ADGB: variants seen among roughly 807,000 people sequenced by gnomAD.
The protein encoded by ADGB is calpain-7-like protein.
A neutral mutation model predicts 210.5 loss-of-function variants in ADGB; 172 were observed. That is an observed-to-expected ratio of 0.82 (90% CI 0.72 to 0.93). ADGB has a LOEUF of 0.93. ADGB is among the 40% of genes least tolerant of loss of function. The pLI is 0.00. For missense variants in ADGB, 2,025 were observed against 1,964.8 expected, an observed-to-expected ratio of 1.03 and a Z score of -0.58; for synonymous variants, 658 against 662.7, an observed-to-expected ratio of 0.99 and a Z score of 0.11.
At position 146,734,600 on chromosome 6, in the gene ADGB, G is replaced by T. The variant is rs867781880; in HGVS notation, c.2794+570G>T. 5.9e-5 allele frequency among the ~76,000 whole-genome samples: 9 copies of T among 152,170 alleles called. 1 individual carries two copies. In the Middle Eastern group the frequency reaches 0.014, roughly 230 times the overall value. ...TATGTATATGAAATAAAATCTTTTT[G>T]CCAATAGGCCAGTTTTATCAGCTTA... is the stretch of plus-strand genomic sequence containing the variant. On this transcript the variant is annotated intron_variant, in intron 22 of 35. Coordinates refer to ENST00000397944, the MANE Select transcript of ADGB (RefSeq NM_024694.4).
At chr6:146,777,396 C>T (rs577672596) in intron 29 of ADGB, among the ~76,000 whole-genome samples, 2 of 152,026 alleles carry the variant, frequency 1.3e-5, no homozygotes, top group Admixed American at 6.5e-5. Context: ...TCACCACTTC[C>T]ATATTTAATT....
At chr6:146,637,251 A>G (rs900741067) in intron 2 of ADGB, among the ~76,000 whole-genome samples, 6 of 152,012 alleles carry the variant, frequency 3.9e-5, no homozygotes, top group Admixed American at 3.3e-4. Context: ...GATCAAGCAC[A>G]AAGTAGTGTC....
chr6:146,600,926 G>GCACACA (rs35082520), intron 1 of ADGB, among the ~76,000 whole-genome samples: 17 of 144,566 alleles, frequency 1.2e-4, no homozygotes, highest in African/African-American at 3.7e-4. Context: ...TCCCCCATGC[G>GCACACA]CACACACACA....
At chr6:146,667,620 T>A (rs928665827) in intron 7 of ADGB, among the ~76,000 whole-genome samples, 1 of 152,066 alleles carries the variant, frequency 6.6e-6, no homozygotes. Flanking sequence ...ATATCCGATG[T>A]ACAAATATTT....
intron 1 of ADGB, among the ~76,000 whole-genome samples, chr6:146,615,129 A>G (rs1188286356): frequency 6.6e-6 from 1 of 151,164 alleles, no homozygotes; most frequent in African/African-American, 2.4e-5. Flanking sequence ...GATGGTCTCG[A>G]TCTCCTGACC....
At chr6:146,715,352 G>C in intron 13 of ADGB, 30 bp from the exon 14 acceptor site, 1 of 1,481,894 alleles carries the variant, frequency 6.7e-7, no homozygotes, top group Non-Finnish European at 9.1e-7. Context: ...TGTTTTGTTG[G>C]ATTCAAAGTG....
At chr6:146,622,231 G>T (rs1780904603) in intron 1 of ADGB, among the ~76,000 whole-genome samples, 1 of 151,988 alleles carries the variant, frequency 6.6e-6, no homozygotes, top group Non-Finnish European at 1.5e-5. Context: ...CATGAAACAC[G>T]AGCCATTATT....
intron 20 of ADGB, among the ~76,000 whole-genome samples, chr6:146,732,475 T>C (rs565155895): frequency 6.6e-6 from 1 of 152,228 alleles, no homozygotes; most frequent in East Asian, 1.9e-4. Flanking sequence ...CACCATTTCA[T>C]GCTACCAAGA....
intron 10 of ADGB, among the ~76,000 whole-genome samples, chr6:146,689,772 AG>A (rs1250703519): frequency 5.3e-5 from 8 of 152,120 alleles, no homozygotes; most frequent in Non-Finnish European, 1.0e-4. Flanking sequence ...TTCCATTGAA[AG>A]AATTAGTTTC....
At chr6:146,612,372 G>A (rs1203790581) in intron 1 of ADGB, among the ~76,000 whole-genome samples, 1 of 152,166 alleles carries the variant, frequency 6.6e-6, no homozygotes, top group East Asian at 1.9e-4. Context: ...CTAAATGGGA[G>A]TCATCCTTTT....
chr6:146,638,836 G>A (rs1328295165), intron 2 of ADGB: 1 of 147,882 alleles, frequency 6.8e-6, no homozygotes, highest in Non-Finnish European at 1.5e-5. Flanking sequence ...GTGATGATCA[G>A]TGTTTAATAA....
intron 7 of ADGB, among the ~76,000 whole-genome samples, chr6:146,670,999 A>G (rs1201746338): frequency 6.6e-6 from 1 of 152,184 alleles, no homozygotes; most frequent in Non-Finnish European, 1.5e-5. Flanking sequence ...AGAAGAAAAT[A>G]TATCAAGGAA....
chr6:146,647,273 T>C (rs117638120), intron 3 of ADGB, among the ~76,000 whole-genome samples: 2,947 of 151,614 alleles, frequency 0.019, 39 homozygotes, highest in Middle Eastern at 0.058. Flanking sequence ...ATCAAAAATC[T>C]AATAATAATA....
At chr6:146,644,362 G>A (rs1775574038) in intron 2 of ADGB, among the ~76,000 whole-genome samples, 1 of 151,904 alleles carries the variant, frequency 6.6e-6, no homozygotes, top group Middle Eastern at 3.4e-3. Flanking sequence ...GATTCTTACA[G>A]TTGAAAATTA....
intron 3 of ADGB, among the ~76,000 whole-genome samples, chr6:146,646,201 C>T (rs1775608511): frequency 6.6e-6 from 1 of 151,994 alleles, no homozygotes; most frequent in Admixed American, 6.6e-5. Flanking sequence ...ATGTATTCCC[C>T]CTTTCCTTTT....
chr6:146,618,532 A>G (rs1780837092), intron 1 of ADGB, among the ~76,000 whole-genome samples: 1 of 151,834 alleles, frequency 6.6e-6, no homozygotes, highest in Admixed American at 6.6e-5. Context: ...TGCTTTTGTC[A>G]TATCCTGCAG....
At chr6:146,738,828 C>T (rs1777119320) in intron 23 of ADGB, among the ~76,000 whole-genome samples, 1 of 152,114 alleles carries the variant, frequency 6.6e-6, no homozygotes, top group African/African-American at 2.4e-5. Context: ...CCCTCTTATA[C>T]AAGTTGCTTC....
intron 29 of ADGB, among the ~76,000 whole-genome samples, chr6:146,777,038 C>G (rs780294510): frequency 1.3e-5 from 2 of 151,888 alleles, no homozygotes; most frequent in Non-Finnish European, 2.9e-5. Context: ...CTATAGAGCG[C>G]TCACAGTCCC....
chr6:146,601,115 A>C (rs1433470492), intron 1 of ADGB, among the ~76,000 whole-genome samples: 2 of 152,136 alleles, frequency 1.3e-5, no homozygotes, highest in Non-Finnish European at 2.9e-5. Context: ...CAAACCAGAC[A>C]CCATAAAACA....
Sources: allele counts gnomAD v4.1 joint callset (sites outside exome capture counted in the v4.1 genomes callset), GRCh38; gene constraint gnomAD v4.1.1; transcripts MANE v1.5; gene names NCBI Gene and HGNC (gene_info 2026-07-23, HGNC 2026-07-21).